SCP2: variants seen among roughly 807,000 people sequenced by gnomAD.
The protein encoded by SCP2 is sterol carrier protein 2, also known as SCP-2/3-oxoacyl-CoA thiolase.
In SCP2, 48 loss-of-function variants were observed where a neutral mutation model predicts 71.4. The ratio of observed to expected loss-of-function variants is 0.67; its 90% CI spans 0.53 to 0.86. SCP2 has a LOEUF of 0.86. Ranked by LOEUF, SCP2 falls within the 40% of genes least tolerant of loss-of-function variation. The pLI is 0.00. For missense variants in SCP2, 560 were observed against 655.6 expected, an observed-to-expected ratio of 0.85 and a Z score of 1.59; for synonymous variants, 220 against 218.1, an observed-to-expected ratio of 1.01 and a Z score of -0.08.
In SCP2 at chr1:53,015,087, CTT is replaced by C. The variant is rs754035944; in HGVS notation, c.1235+47_1235+48del. ...TTTGTGTGTCAGTTAATCCTTCTGA[CTT>C]TTCACAGTTGATGATGTTTTACATG... On this transcript the variant is annotated intron_variant, in intron 12 of 15. Transcript: ENST00000371514. The C allele has an allele frequency of 5.0e-5, 79 of 1,580,770 alleles. 2 individuals carry two copies. In the South Asian group the frequency reaches 8.5e-4, roughly 17 times the overall value.
At chr1:52,974,726 G>C in intron 6 of SCP2, 43 bp from the exon 7 acceptor site, 1 of 977,196 alleles carries the variant, frequency 1.0e-6, no homozygotes, top group Admixed American at 1.7e-5. Flanking sequence ...AATAAGCAGC[G>C]GAAAAACATT....
intron 6 of SCP2, 86 bp downstream of exon 6, chr1:52,961,715 G>A (rs1422557420): frequency 9.3e-6 from 11 of 1,180,116 alleles, no homozygotes; most frequent in African/African-American, 1.5e-5. Flanking sequence ...AGGAACTGTG[G>A]AGGATGCCAG....
intron 11 of SCP2, among the ~76,000 whole-genome samples, chr1:52,996,189 A>G (rs150991659): frequency 8.8e-4 from 134 of 152,280 alleles, no homozygotes; most frequent in African/African-American, 3.0e-3. Flanking sequence ...TGTCTGTTGA[A>G]TGTTTCCTTT....
At chr1:52,976,534 G>C (rs547082748) in intron 7 of SCP2, 149 bp from the exon 8 acceptor site, 7 of 631,932 alleles carry the variant, frequency 1.1e-5, no homozygotes. Context: ...TTTTTTAAAA[G>C]GTCAATTCAG....
At chr1:53,019,488 T>G (rs1661567085) in intron 12 of SCP2, among the ~76,000 whole-genome samples, 2 of 152,194 alleles carry the variant, frequency 1.3e-5, no homozygotes, top group Non-Finnish European at 1.5e-5. Flanking sequence ...TCCCTATGAT[T>G]CCTTTTAGTA....
intron 5 of SCP2, among the ~76,000 whole-genome samples, chr1:52,956,631 T>A (rs1655819140): frequency 6.6e-6 from 1 of 152,182 alleles, no homozygotes; most frequent in African/African-American, 2.4e-5. Context: ...AGCCTAGTCA[T>A]GGGTGTTTGA....
At chr1:52,983,520 C>G (rs1456470157) in intron 10 of SCP2, among the ~76,000 whole-genome samples, 5 of 152,156 alleles carry the variant, frequency 3.3e-5, no homozygotes, top group African/African-American at 1.2e-4. Flanking sequence ...CCTTTTCTCT[C>G]TGTTCTTCAC....
At chr1:52,947,716 T>G (rs536530158) in intron 2 of SCP2, among the ~76,000 whole-genome samples, 16 of 152,296 alleles carry the variant, frequency 1.1e-4, no homozygotes, top group South Asian at 2.1e-4. Flanking sequence ...GACAAGGACC[T>G]TGTCATTAAG....
intron 5 of SCP2, 125 bp downstream of exon 5, chr1:52,954,929 T>C (rs1655663529): frequency 2.6e-6 from 2 of 783,746 alleles, no homozygotes; most frequent in African/African-American, 3.4e-5. Context: ...GATAATTTTG[T>C]TCAAACTGTT....
chr1:52,982,690 C>G (rs1046886905), intron 10 of SCP2, among the ~76,000 whole-genome samples: 2 of 152,160 alleles, frequency 1.3e-5, no homozygotes, highest in South Asian at 2.1e-4. Context: ...AATGTAGAAG[C>G]CTTGCAACCA....
At position 53,015,050 on chromosome 1, in the gene SCP2, G is replaced by A. The variant is rs1215300184; in HGVS notation, c.1235+7G>A. ...GTTTTCCGGAAGCCGCCAGGTGAGT[G>A]ACATTCAGAGTTTTGTGTGTCAGTT... On this transcript the variant is annotated splice_region_variant and intron_variant, in intron 12 of 15. Coordinates refer to ENST00000371514, the MANE Select transcript of SCP2 (RefSeq NM_002979.5). The A allele has an allele frequency of 3.1e-6, 5 of 1,613,704 alleles. No individual in the cohort carries two copies. The highest frequency in any genetic ancestry group is 2.5e-6 in the Non-Finnish European group (3 of 1,179,676).
rs1655246792 is a variant in SCP2, at chr1:52,951,032, G to C, written c.331+146G>C. ...GTGGTGGCTTATGCTTGTAACCCTA[G>C]CACTTTGGGAGGCCGAGGGGGGTGG... On this transcript the variant is annotated intron_variant, in intron 4 of 15. Transcript: ENST00000371514. The C allele has an allele frequency of 3.3e-6, 3 of 913,036 alleles. No homozygotes were observed. In the South Asian group the frequency reaches 4.0e-5, roughly 12 times the overall value. The allele number at this position is 913,036 out of a possible 1,614,324, so 56.6% of individuals were successfully genotyped here.
At chr1:52,970,698 C>A (rs959615835) in intron 6 of SCP2, among the ~76,000 whole-genome samples, 4 of 152,030 alleles carry the variant, frequency 2.6e-5, no homozygotes, top group Admixed American at 6.6e-5. Flanking sequence ...TAGTTTAGAG[C>A]AGTTGTTGGC....
intron 4 of SCP2, among the ~76,000 whole-genome samples, chr1:52,951,967 C>T (rs936288275): frequency 3.3e-5 from 5 of 152,164 alleles, no homozygotes; most frequent in South Asian, 2.1e-4. Context: ...GATGTGCTCA[C>T]CTTGGCCTCA....
intron 15 of SCP2, chr1:53,049,854 G>T (rs982229118): frequency 1.3e-5 from 2 of 152,212 alleles, no homozygotes; most frequent in Admixed American, 1.3e-4. Context: ...GCTTCTTAAT[G>T]TACTGTTAAA....
At chr1:52,986,765 T>TG (rs1387741785) in intron 10 of SCP2, among the ~76,000 whole-genome samples, 1 of 151,988 alleles carries the variant, frequency 6.6e-6, no homozygotes, top group Non-Finnish European at 1.5e-5. Context: ...TCAGTATCTG[T>TG]GGGGTTTTTT....
chr1:53,027,729 T>A (rs1178728387), intron 12 of SCP2, among the ~76,000 whole-genome samples: 1 of 152,156 alleles, frequency 6.6e-6, no homozygotes, highest in Non-Finnish European at 1.5e-5. Context: ...GGTCTCGAAC[T>A]CCCGACTACA....
At chr1:53,048,022 C>G in intron 15 of SCP2, 85 bp downstream of exon 15, 1 of 939,052 alleles carries the variant, frequency 1.1e-6, no homozygotes, top group Admixed American at 1.7e-5. Context: ...CTCTAAAGTG[C>G]AAAGTGGTCA....
rs530814230 is a variant in SCP2 at position 52,928,586 on chromosome 1, G to T, written c.69+1121G>T. 4.3e-4 allele frequency: 66 copies of T among 152,438 alleles called. 1 individual carries two copies. The Middle Eastern group carries it at 8.8e-3, about 20-fold the overall frequency. 9.4% of individuals were successfully genotyped at this position (152,438 alleles called of 1,614,324 possible). The stretch of plus-strand genomic sequence containing the variant: ...ACCTGAGGTCAAGAGTTCGAGACCA[G>T]CCTGGCCAACATGGTGAAACCCCGT... On this transcript the variant is annotated intron_variant, in intron 1 of 15. Transcript: ENST00000371514.
Sources: allele counts gnomAD v4.1 joint callset (sites outside exome capture counted in the v4.1 genomes callset), GRCh38; gene constraint gnomAD v4.1.1; transcripts MANE v1.5; gene names NCBI Gene and HGNC (gene_info 2026-07-23, HGNC 2026-07-21).